SGMS1: variants seen among roughly 807,000 people sequenced by gnomAD.
SGMS1 encodes the protein sphingomyelin synthase 1.
SGMS1 carries 13 observed loss-of-function variants against 46.2 expected under a neutral mutation model. The ratio of observed to expected loss-of-function variants is 0.28; its 90% confidence interval spans 0.18 to 0.45. SGMS1 has a LOEUF of 0.45. SGMS1 is among the 20% of genes least tolerant of loss of function. SGMS1 has a pLI of 1.00. For synonymous variants in SGMS1, 203 were observed against 187.8 expected (o/e 1.08, Z -0.66); for missense variants, 324 against 519.9 (o/e 0.62, Z 3.66).
intron 7 of SGMS1, chr10:50,328,140 G>T: frequency 3.2e-6 from 1 of 314,432 alleles, no homozygotes; most frequent in Non-Finnish European, 6.1e-6. Flanking sequence ...ACATACACAT[G>T]TATATTGAGT....
At chr10:50,443,616 C>A (rs1479414553) in intron 5 of SGMS1, among the ~76,000 whole-genome samples, 1 of 151,806 alleles carries the variant, frequency 6.6e-6, no homozygotes, top group East Asian at 1.9e-4. Context: ...TGCCAGTAAA[C>A]CCACACTATA....
intron 3 of SGMS1, among the ~76,000 whole-genome samples, chr10:50,481,541 C>T (rs1837477024): frequency 6.6e-6 from 1 of 152,150 alleles, no homozygotes; most frequent in Non-Finnish European, 1.5e-5. Context: ...AGGTCAGCAG[C>T]CTCAAAGATT....
At chr10:50,510,610 G>GTT (rs3054271) in intron 3 of SGMS1, among the ~76,000 whole-genome samples, 76,213 of 148,974 alleles carry the variant, frequency 0.51, 19,783 homozygotes, top group Admixed American at 0.63. Flanking sequence ...GTATCTCTGT[G>GTT]TTTTTTTTTT....
chr10:50,361,666 A>G (rs1848250980), intron 6 of SGMS1, among the ~76,000 whole-genome samples: 1 of 152,128 alleles, frequency 6.6e-6, no homozygotes, highest in African/African-American at 2.4e-5. Context: ...GGCTCTCTCA[A>G]ACTGTTCCCT....
At chr10:50,574,565 A>G (rs967441256) in intron 2 of SGMS1, among the ~76,000 whole-genome samples, 2 of 152,198 alleles carry the variant, frequency 1.3e-5, no homozygotes, top group African/African-American at 4.8e-5. Flanking sequence ...TGCAACTGCT[A>G]TAGAAAGCAA....
intron 2 of SGMS1, among the ~76,000 whole-genome samples, chr10:50,529,456 G>A (rs930653896): frequency 1.3e-5 from 2 of 152,206 alleles, no homozygotes; most frequent in African/African-American, 4.8e-5. Context: ...ACTACAAAAT[G>A]TAGAGGAAAA....
rs1375844417 is a variant in SGMS1, at chr10:50,416,936, C to T, written c.-232+16540G>A. Among the ~76,000 whole-genome samples the T allele has an allele frequency of 2.7e-5, 4 of 150,676 alleles. No homozygotes were observed. In the East Asian group the frequency reaches 5.9e-4, roughly 22 times the overall value. On this transcript the variant is annotated intron_variant, in intron 6 of 10. Transcript: ENST00000361781. Reference sequence around the variant, plus strand: ...ATTTTCTTCCTCTCTCCATGACAGTCTATCTTTTAACCTCATCACAGTCTC... The same window carrying T: ...ATTTTCTTCCTCTCTCCATGACAGTTTATCTTTTAACCTCATCACAGTCTC...
upstream of SGMS1, chr10:50,624,205 G>T: frequency 1.3e-6 from 1 of 793,616 alleles, no homozygotes; most frequent in Non-Finnish European, 1.5e-6. Context: ...GGCCCACTAA[G>T]TAAGGCCTAG....
chr10:50,326,321 T>C (rs1178587351), intron 8 of SGMS1, among the ~76,000 whole-genome samples: 3 of 152,110 alleles, frequency 2.0e-5, no homozygotes, highest in Admixed American at 2.0e-4. Context: ...CCAGAGTGAA[T>C]TTTTCAGCTC....
chr10:50,556,085 A>G (rs1289558260), intron 2 of SGMS1, among the ~76,000 whole-genome samples: 1 of 152,108 alleles, frequency 6.6e-6, no homozygotes, highest in Non-Finnish European at 1.5e-5. Context: ...TCACTTCTCC[A>G]ACCCTTTGGT....
At chr10:50,550,541 C>T (rs1838139592) in intron 2 of SGMS1, among the ~76,000 whole-genome samples, 1 of 152,178 alleles carries the variant, frequency 6.6e-6, no homozygotes, top group African/African-American at 2.4e-5. Context: ...ACTGCCCTTC[C>T]TCCCAGCCCT....
intron 7 of SGMS1, among the ~76,000 whole-genome samples, chr10:50,331,225 T>C (rs1428177574): frequency 1.3e-5 from 2 of 152,242 alleles, no homozygotes; most frequent in Non-Finnish European, 2.9e-5. Context: ...TTCTCTTATA[T>C]ACCAAGCTCT....
At chr10:50,545,370 TAAG>T (rs772400116) in intron 2 of SGMS1, among the ~76,000 whole-genome samples, 10 of 152,192 alleles carry the variant, frequency 6.6e-5, no homozygotes, top group African/African-American at 4.8e-5. Flanking sequence ...CATGGGTTGG[TAAG>T]AAGAAGTTCC....
chr10:50,494,320 A>G (rs112954447), intron 3 of SGMS1, among the ~76,000 whole-genome samples: 5,471 of 152,298 alleles, frequency 0.036, 338 homozygotes, highest in African/African-American at 0.12. Flanking sequence ...ATAAAGATAC[A>G]TGCATGCCTT....
intron 6 of SGMS1, among the ~76,000 whole-genome samples, chr10:50,424,700 A>C (rs891210865): frequency 8.5e-5 from 13 of 152,300 alleles, no homozygotes; most frequent in African/African-American, 2.9e-4. Context: ...AACATTCAAC[A>C]AACAAGAAAC....
chr10:50,344,583 C>T (rs766363838), intron 6 of SGMS1, among the ~76,000 whole-genome samples: 1 of 152,124 alleles, frequency 6.6e-6, no homozygotes, highest in Non-Finnish European at 1.5e-5. Context: ...GAATTTCCAA[C>T]GGTCAGCCGG....
intron 3 of SGMS1, among the ~76,000 whole-genome samples, chr10:50,483,852 A>C (rs1404755084): frequency 6.6e-6 from 1 of 152,248 alleles, no homozygotes; most frequent in Admixed American, 6.5e-5. Context: ...TAGTGAGAAC[A>C]AAGAGACAAC....
chr10:50,352,611 G>C (rs1358599212), intron 6 of SGMS1, among the ~76,000 whole-genome samples: 1 of 152,166 alleles, frequency 6.6e-6, no homozygotes, highest in Admixed American at 6.5e-5. Context: ...GTGAGATTGT[G>C]ATTGGTCTAA....
chr10:50,560,612 A>G (rs1588877175), intron 2 of SGMS1, among the ~76,000 whole-genome samples: 1 of 147,182 alleles, frequency 6.8e-6, no homozygotes, highest in Admixed American at 6.8e-5. Flanking sequence ...TATAATACAC[A>G]ATATATGTAA....
Sources: gnomAD v4.1 joint callset for allele counts (sites outside exome capture counted in the v4.1 genomes callset) on GRCh38, gnomAD v4.1.1 for gene constraint, MANE v1.5 for transcripts, NCBI Gene and HGNC (gene_info 2026-07-23, HGNC 2026-07-21) for gene names.